Variants in ZFHX3 observed in about 807,000 individuals in gnomAD.
The protein encoded by ZFHX3 is zinc finger homeobox protein 3.
Under a neutral mutation model 279.1 loss-of-function variants are expected in ZFHX3, and 42 were observed. That is an observed-to-expected ratio of 0.15 (90% CI 0.12 to 0.19). The LOEUF (loss-of-function observed/expected upper bound fraction) is 0.19. ZFHX3 is among the 10% of genes least tolerant of loss of function. ZFHX3 has a pLI of 1.00. For synonymous variants in ZFHX3, 2,293 were observed against 1,957.8 expected, an observed-to-expected ratio of 1.17 and a Z score of -4.52; for missense variants, 4,981 against 4,754.0, an observed-to-expected ratio of 1.05 and a Z score of -1.40.
chr16:73,297,435 C>T (rs2014942949), intron 4 of ZFHX3, among the ~76,000 whole-genome samples: 1 of 152,066 alleles, frequency 6.6e-6, no homozygotes, highest in Non-Finnish European at 1.5e-5. Context: ...TACATGGACA[C>T]AGTAGGAGCC....
At chr16:73,548,467 CT>C (rs544506701) in intron 2 of ZFHX3, among the ~76,000 whole-genome samples, 189 of 138,356 alleles carry the variant, frequency 1.4e-3, no homozygotes, top group South Asian at 3.2e-3. Context: ...GGTGTTTAGC[CT>C]TTTTTTTTTT....
At chr16:73,138,574 T>A (rs1966832362) in intron 6 of ZFHX3, among the ~76,000 whole-genome samples, 1 of 152,176 alleles carries the variant, frequency 6.6e-6, no homozygotes, top group African/African-American at 2.4e-5. Flanking sequence ...ATTCCCCTTC[T>A]CTTACCCTCC....
In ZFHX3 at chr16:72,788,639, G is replaced by C. The variant is rs745823312; in HGVS notation, c.9637C>G (p.Pro3213Ala). The C allele has an allele frequency of 6.2e-7, 1 of 1,613,288 alleles. No homozygotes were observed. Among genetic ancestry groups the C allele is most frequent in the Non-Finnish European group, 8.5e-7 (1 of 1,179,782 alleles). The stretch of plus-strand genomic sequence containing the variant: ...GTGGGTGGCGGCTGGGCTGCTGGCG[G>C]CGGGGGAGGCTGCTGCACCTGTGGT... ...QQPQVQQPPP[P>A]PAAQPPPTPQ... Residue 3213 changes from proline to alanine, a missense_variant, in exon 10 of 10, where the codon CCG becomes GCG. This residue lies in a region of ZFHX3 where 1,034 missense variants were observed against 786.0 expected (regional missense o/e 1.32). Transcript: ENST00000268489.
intron 3 of ZFHX3, among the ~76,000 whole-genome samples, chr16:72,891,334 G>A (rs2038769137): frequency 6.6e-6 from 1 of 152,136 alleles, no homozygotes; most frequent in African/African-American, 2.4e-5. Context: ...TTCATGTCTG[G>A]GGTATCAGAA....
chr16:73,079,208 C>T (rs938229947), intron 8 of ZFHX3, among the ~76,000 whole-genome samples: 2 of 151,980 alleles, frequency 1.3e-5, no homozygotes, highest in Non-Finnish European at 2.9e-5. Flanking sequence ...GCCTCCATCA[C>T]TTTCATATCT....
At chr16:72,800,779 C>T (rs1303978406) in intron 7 of ZFHX3, among the ~76,000 whole-genome samples, 1 of 152,200 alleles carries the variant, frequency 6.6e-6, no homozygotes, top group African/African-American at 2.4e-5. Flanking sequence ...CTTCTGGAGT[C>T]TCTGCCCAAG....
intron 2 of ZFHX3, among the ~76,000 whole-genome samples, chr16:73,636,019 A>C (rs981974789): frequency 1.3e-5 from 2 of 152,148 alleles, no homozygotes; most frequent in Non-Finnish European, 2.9e-5. Flanking sequence ...CTATTGAAAC[A>C]GGGCAGCTTA....
chr16:73,810,527 C>G (rs574057019), intron 1 of ZFHX3, among the ~76,000 whole-genome samples: 1 of 152,160 alleles, frequency 6.6e-6, no homozygotes, highest in African/African-American at 2.4e-5. Context: ...ATAGCAATAT[C>G]TAATGTTTTT....
At chr16:73,017,151 C>A (rs1161421953) in intron 1 of ZFHX3, among the ~76,000 whole-genome samples, 1 of 151,202 alleles carries the variant, frequency 6.6e-6, no homozygotes, top group African/African-American at 2.4e-5. Flanking sequence ...TCACCTCCCT[C>A]AGCCTTGGGA....
intron 3 of ZFHX3, among the ~76,000 whole-genome samples, chr16:72,903,078 T>C (rs891016891): frequency 6.9e-6 from 1 of 144,560 alleles, no homozygotes; most frequent in Non-Finnish European, 1.6e-5. Context: ...GAGGGCTCTA[T>C]GGGGAACCCA....
intron 1 of ZFHX3, among the ~76,000 whole-genome samples, chr16:73,856,025 A>T (rs1333384999): frequency 6.6e-6 from 1 of 152,262 alleles, no homozygotes; most frequent in East Asian, 1.9e-4. Flanking sequence ...CCACTAAAAA[A>T]ATCAGGTCAT....
At chr16:72,840,407 A>C (rs938373967) in intron 4 of ZFHX3, among the ~76,000 whole-genome samples, 3 of 152,184 alleles carry the variant, frequency 2.0e-5, no homozygotes, top group Non-Finnish European at 4.4e-5. Context: ...GGAGAGATGG[A>C]GGGGCGGCCA....
chr16:73,192,039 G>A (rs1597212773), intron 5 of ZFHX3, among the ~76,000 whole-genome samples: 3 of 152,320 alleles, frequency 2.0e-5, no homozygotes, highest in Admixed American at 1.3e-4. Flanking sequence ...TGTGGTGGGG[G>A]GTTCACGCAA....
chr16:73,272,190 T>A (rs1284359904), intron 4 of ZFHX3, among the ~76,000 whole-genome samples: 2 of 152,232 alleles, frequency 1.3e-5, no homozygotes, highest in East Asian at 3.8e-4. Flanking sequence ...ACTCCCTTTT[T>A]AAAAAATTTT....
intron 1 of ZFHX3, among the ~76,000 whole-genome samples, chr16:73,865,622 G>T (rs1343336519): frequency 6.6e-6 from 1 of 152,092 alleles, no homozygotes; most frequent in Non-Finnish European, 1.5e-5. Context: ...CCATGTTCCA[G>T]GTCCTGATTT....
At chr16:73,348,683 A>G (rs1191679220) in intron 3 of ZFHX3, among the ~76,000 whole-genome samples, 1 of 152,208 alleles carries the variant, frequency 6.6e-6, no homozygotes, top group African/African-American at 2.4e-5. Flanking sequence ...CAAGCAACAC[A>G]CTCACACGTT....
intron 5 of ZFHX3, among the ~76,000 whole-genome samples, chr16:72,818,836 T>A (rs1172513001): frequency 6.6e-6 from 1 of 152,122 alleles, no homozygotes; most frequent in Non-Finnish European, 1.5e-5. Context: ...CCCCTAAAAG[T>A]AGAATATGCT....
At chr16:73,814,339 T>C (rs1960505818) in intron 1 of ZFHX3, among the ~76,000 whole-genome samples, 1 of 152,168 alleles carries the variant, frequency 6.6e-6, no homozygotes, top group Non-Finnish European at 1.5e-5. Flanking sequence ...TTTTAAAAAT[T>C]AAAACAAAAC....
At chr16:73,096,818 G>A (rs1298399454) in intron 7 of ZFHX3, among the ~76,000 whole-genome samples, 1 of 152,088 alleles carries the variant, frequency 6.6e-6, no homozygotes, top group East Asian at 1.9e-4. Context: ...ATGCCCGGGA[G>A]TAAGCTTGCC....
Sources: gnomAD v4.1 joint callset for allele counts (sites outside exome capture counted in the v4.1 genomes callset) on GRCh38, gnomAD v4.1.1 for gene constraint, gnomAD v4.1.1 regional missense constraint, MANE v1.5 for transcripts, NCBI Gene and HGNC (gene_info 2026-07-23, HGNC 2026-07-21) for gene names.